The following PARP8 variants were observed in gnomAD, a reference collection of about 807,000 sequenced individuals.
The protein encoded by PARP8 is protein mono-ADP-ribosyltransferase PARP8.
In PARP8, 51 loss-of-function variants were observed where a neutral mutation model predicts 124.1. That is an observed-to-expected ratio of 0.41 (90% CI 0.33 to 0.52). PARP8 has a LOEUF of 0.52. PARP8 is among the 20% of genes least tolerant of loss of function. The probability of loss-of-function intolerance (pLI) is 0.21; values close to 1 mark genes in which losing one functional copy is unlikely to be tolerated. For synonymous variants in PARP8, 391 were observed against 361.5 expected (o/e 1.08, Z -0.93); for missense variants, 860 against 1,018.9 (o/e 0.84, Z 2.12).
At chr5:50,794,139 A>G in intron 10 of PARP8, 68 bp from the exon 11 acceptor site, 1 of 1,505,654 alleles carries the variant, frequency 6.6e-7, no homozygotes. Context: ...TTTCTACATA[A>G]TAAATACAGT....
intron 7 of PARP8, among the ~76,000 whole-genome samples, chr5:50,765,429 T>C (rs150566863): frequency 2.0e-5 from 3 of 152,330 alleles, no homozygotes; most frequent in Non-Finnish European, 4.4e-5. Flanking sequence ...CAAGCATTTG[T>C]TAAGTACCTA....
chr5:50,680,417 ACTGT>A (rs1386154501), intron 2 of PARP8, among the ~76,000 whole-genome samples: 1 of 152,122 alleles, frequency 6.6e-6, no homozygotes, highest in East Asian at 1.9e-4. Context: ...TCCTCTGTTT[ACTGT>A]CTATTTGTCT....
intron 1 of PARP8, 122 bp from the exon 2 acceptor site, chr5:50,667,949 T>TA: frequency 6.3e-7 from 1 of 1,582,816 alleles, no homozygotes; most frequent in Non-Finnish European, 8.5e-7. Flanking sequence ...CGCCGCCCTC[T>TA]AGCCCTTGCC....
At chr5:50,675,224 T>C (rs1312272788) in intron 2 of PARP8, among the ~76,000 whole-genome samples, 1 of 152,190 alleles carries the variant, frequency 6.6e-6, no homozygotes, top group Non-Finnish European at 1.5e-5. Flanking sequence ...TTCTGAACAT[T>C]TTGAAATGTA....
intron 1 of PARP8, chr5:50,667,660 C>T (rs1749487903): frequency 5.7e-6 from 4 of 699,558 alleles, no homozygotes; most frequent in East Asian, 5.4e-5. Flanking sequence ...ATCTCCGGCC[C>T]CTTCGGCTCC....
intron 9 of PARP8, among the ~76,000 whole-genome samples, chr5:50,785,143 C>G (rs906795179): frequency 6.6e-6 from 1 of 151,888 alleles, no homozygotes; most frequent in African/African-American, 2.4e-5. Context: ...TTTGTGAACT[C>G]TTAGTATATT....
intron 7 of PARP8, among the ~76,000 whole-genome samples, chr5:50,773,549 G>C (rs1300871782): frequency 6.6e-6 from 1 of 152,102 alleles, no homozygotes; most frequent in Non-Finnish European, 1.5e-5. Context: ...TTTTATGCTG[G>C]TCCCATGCTG....
chr5:50,741,433 A>T (rs1306736391), intron 2 of PARP8, among the ~76,000 whole-genome samples: 1 of 152,194 alleles, frequency 6.6e-6, no homozygotes, highest in Non-Finnish European at 1.5e-5. Flanking sequence ...ACTTGCTTTT[A>T]AAAATACCAT....
Position 50,827,956 on chromosome 5 carries a change from A to G in PARP8, c.1990A>G (p.Met664Val), listed in dbSNP as rs1468069832. 6.2e-7 allele frequency: 1 copy of G among 1,610,728 alleles called. No individual in the cohort carries two copies. Among genetic ancestry groups the G allele is most frequent in the East Asian group, 2.2e-5 (1 of 44,854 alleles). Residue 664 changes from methionine (M) to valine (V), a missense_variant, in exon 20 of 26, where the codon ATG becomes GTG. Around this residue, in one of 2 missense-constraint regions of PARP8, gnomAD observed 343 missense variants for 474.7 expected, o/e 0.72. Transcript: ENST00000281631. ...KLPVNRQLKFMHTPHQFLLLS... is the reference protein window; with the variant it reads ...KLPVNRQLKFVHTPHQFLLLS... ...TCTTAAATGGCAGCAATTGAAGTTT[A>G]TGCATACTCCACATCAGTTCCTTCT...
At chr5:50,715,135 T>A (rs1308724366) in intron 2 of PARP8, among the ~76,000 whole-genome samples, 1 of 152,014 alleles carries the variant, frequency 6.6e-6, no homozygotes, top group Non-Finnish European at 1.5e-5. Flanking sequence ...GTGCCTCCTC[T>A]CACTTCAGCA....
chr5:50,800,030 A>C (rs950011124), intron 14 of PARP8, among the ~76,000 whole-genome samples: 2 of 152,326 alleles, frequency 1.3e-5, no homozygotes, highest in African/African-American at 4.8e-5. Context: ...GGAATAGACC[A>C]AGACATCATC....
intron 2 of PARP8, among the ~76,000 whole-genome samples, chr5:50,712,004 A>T (rs531870063): frequency 2.6e-5 from 4 of 152,280 alleles, no homozygotes; most frequent in Non-Finnish European, 5.9e-5. Flanking sequence ...ATTTATCTGC[A>T]TCCTGAAGGA....
chr5:50,834,646 T>G (rs1274234866), intron 24 of PARP8, among the ~76,000 whole-genome samples: 1 of 152,216 alleles, frequency 6.6e-6, no homozygotes, highest in Non-Finnish European at 1.5e-5. Flanking sequence ...ATGAACTTGC[T>G]GTCTACATAG....
chr5:50,835,412 G>A (rs1747464757), intron 25 of PARP8, among the ~76,000 whole-genome samples: 1 of 152,080 alleles, frequency 6.6e-6, no homozygotes, highest in East Asian at 1.9e-4. Flanking sequence ...GCGCGGTGGT[G>A]CATGCCTGTA....
chr5:50,750,645 C>A (rs1759139394), intron 3 of PARP8, among the ~76,000 whole-genome samples: 1 of 152,034 alleles, frequency 6.6e-6, no homozygotes, highest in South Asian at 2.1e-4. Flanking sequence ...GTAAAACTTA[C>A]TTGTTTAGCA....
At chr5:50,803,569 C>T (rs1436899563) in intron 14 of PARP8, among the ~76,000 whole-genome samples, 1 of 152,056 alleles carries the variant, frequency 6.6e-6, no homozygotes, top group African/African-American at 2.4e-5. Flanking sequence ...ATGGACCTAT[C>T]TTCAAGTTCA....
intron 2 of PARP8, among the ~76,000 whole-genome samples, chr5:50,723,237 A>G (rs952454806): frequency 6.6e-6 from 1 of 152,116 alleles, no homozygotes; most frequent in African/African-American, 2.4e-5. Flanking sequence ...CTCATGTTTT[A>G]CAAAACTCAC....
At chr5:50,762,619 AATTT>A (rs1760662736) in intron 6 of PARP8, among the ~76,000 whole-genome samples, 1 of 152,158 alleles carries the variant, frequency 6.6e-6, no homozygotes, top group African/African-American at 2.4e-5. Flanking sequence ...AATGCAAGTA[AATTT>A]ATTTATTCAG....
At chr5:50,682,482 AG>A (rs1751401695) in intron 2 of PARP8, among the ~76,000 whole-genome samples, 1 of 152,162 alleles carries the variant, frequency 6.6e-6, no homozygotes, top group Non-Finnish European at 1.5e-5. Flanking sequence ...CTGGAGAGAA[AG>A]AAATGGTATT....
Sources: gnomAD v4.1 joint callset for allele counts (sites outside exome capture counted in the v4.1 genomes callset) on GRCh38, gnomAD v4.1.1 for gene constraint, gnomAD v4.1.1 regional missense constraint, MANE v1.5 for transcripts, NCBI Gene and HGNC (gene_info 2026-07-23, HGNC 2026-07-21) for gene names.